The following AFF2 variants were observed in gnomAD, a reference collection of about 807,000 sequenced individuals.
AFF2 encodes the protein ALF transcription elongation factor 2.
A neutral mutation model predicts 76.9 loss-of-function variants in AFF2; 14 were observed. The ratio of observed to expected loss-of-function variants is 0.18; its 90% CI spans 0.12 to 0.28. AFF2 has a LOEUF of 0.28. Ranked by LOEUF, AFF2 falls within the 10% of genes least tolerant of loss-of-function variation. AFF2 has a pLI of 1.00. For missense variants in AFF2, 868 were observed against 1,001.1 expected, an observed-to-expected ratio of 0.87 and a Z score of 1.79; for synonymous variants, 398 against 366.7, an observed-to-expected ratio of 1.09 and a Z score of -0.98.
chrX:148,924,033 C>A (rs184133777), intron 9 of AFF2, among the ~76,000 whole-genome samples: 197 of 111,698 alleles, frequency 1.8e-3, no homozygotes, highest in Middle Eastern at 9.2e-3. Context: ...ATAAACGAGG[C>A]CTAATTATAT....
intron 20 of AFF2, among the ~76,000 whole-genome samples, chrX:148,989,337 C>G (rs2072509608): frequency 8.9e-6 from 1 of 112,530 alleles, no homozygotes. Context: ...TAACTAACTT[C>G]AGAACTTTCC....
intron 1 of AFF2, among the ~76,000 whole-genome samples, chrX:148,530,549 G>A (rs2052717582): frequency 9.3e-6 from 1 of 107,851 alleles, no homozygotes; most frequent in East Asian, 2.9e-4. Flanking sequence ...AATTCTATGC[G>A]TTGAGATTTC....
chrX:148,593,548 G>C (rs1437637745), intron 1 of AFF2, among the ~76,000 whole-genome samples: 4 of 111,950 alleles, frequency 3.6e-5, no homozygotes, highest in African/African-American at 1.3e-4. Flanking sequence ...GAGACCACTG[G>C]TGTGGTAGAA....
At chrX:148,869,994 G>T (rs1023126876) in intron 7 of AFF2, among the ~76,000 whole-genome samples, 2 of 111,490 alleles carry the variant, frequency 1.8e-5, no homozygotes, top group South Asian at 7.6e-4. Context: ...AATACTGGGG[G>T]TTAGGGCTTC....
chrX:148,741,511 G>A (rs1382725010), intron 3 of AFF2, among the ~76,000 whole-genome samples: 5 of 110,596 alleles, frequency 4.5e-5, no homozygotes, highest in Non-Finnish European at 9.5e-5. Context: ...CCCCAAGTCT[G>A]TTTCCAGAGG....
intron 1 of AFF2, among the ~76,000 whole-genome samples, chrX:148,512,062 C>G (rs899092764): frequency 1.8e-5 from 2 of 111,360 alleles, no homozygotes; most frequent in Non-Finnish European, 3.8e-5. Context: ...ATTAGGAGGA[C>G]AGACTGTAGA....
At chrX:148,971,592 TC>T in intron 15 of AFF2, among the ~76,000 whole-genome samples, 1 of 107,418 alleles carries the variant, frequency 9.3e-6, no homozygotes, top group Non-Finnish European at 1.9e-5. Context: ...TCCATCACCT[TC>T]CCGCCTCTCA....
chrX:148,781,888 T>C (rs1440579401), intron 3 of AFF2, among the ~76,000 whole-genome samples: 1 of 111,502 alleles, frequency 9.0e-6, no homozygotes, highest in Admixed American at 9.5e-5. Flanking sequence ...AAAAGCATAG[T>C]ATCTGGGCTG....
chrX:148,613,632 G>A (rs954279990), intron 1 of AFF2, among the ~76,000 whole-genome samples: 7 of 111,139 alleles, frequency 6.3e-5, no homozygotes, highest in Non-Finnish European at 1.3e-4. Flanking sequence ...GTGAGCCCCA[G>A]CACAATTTAA....
At chrX:148,578,375 T>C (rs2053315296) in intron 1 of AFF2, among the ~76,000 whole-genome samples, 1 of 111,361 alleles carries the variant, frequency 9.0e-6, no homozygotes. Context: ...GGACTCCACT[T>C]AAGAGTCATC....
At chrX:148,780,757 G>A (rs1440150909) in intron 3 of AFF2, among the ~76,000 whole-genome samples, 6 of 111,728 alleles carry the variant, frequency 5.4e-5, no homozygotes, top group Non-Finnish European at 9.4e-5. Flanking sequence ...CTGTCAGTTC[G>A]TCAAACTTAT....
At chrX:148,761,458 GTTT>G (rs201228384) in intron 3 of AFF2, among the ~76,000 whole-genome samples, 2 of 83,733 alleles carry the variant, frequency 2.4e-5, no homozygotes, top group African/African-American at 1.2e-4. Context: ...CTGTCCTCCA[GTTT>G]TTTTTGTTTT....
chrX:148,908,514 C>A (rs1447048618), intron 9 of AFF2, among the ~76,000 whole-genome samples: 4 of 112,275 alleles, frequency 3.6e-5, no homozygotes, highest in African/African-American at 1.3e-4. Flanking sequence ...TTGACTCATG[C>A]CACATGTAAA....
chrX:148,583,383 C>A (rs1405446588), intron 1 of AFF2, among the ~76,000 whole-genome samples: 1 of 110,613 alleles, frequency 9.0e-6, no homozygotes, highest in Non-Finnish European at 1.9e-5. Context: ...TAAAAATAGG[C>A]TTTATTTTTA....
intron 1 of AFF2, among the ~76,000 whole-genome samples, chrX:148,594,776 A>C (rs1238920959): frequency 2.7e-5 from 3 of 112,094 alleles, no homozygotes; most frequent in Non-Finnish European, 5.6e-5. Flanking sequence ...AAGCTGTGTA[A>C]GAAGTTAGAT....
At chrX:148,913,813 G>A (rs966085695) in intron 9 of AFF2, among the ~76,000 whole-genome samples, 1 of 112,018 alleles carries the variant, frequency 8.9e-6, no homozygotes, top group African/African-American at 3.3e-5. Context: ...TCAGTTTTGG[G>A]TACATAAGAG....
chrX:148,528,233 G>C (rs868968305), intron 1 of AFF2, among the ~76,000 whole-genome samples: 1 of 111,788 alleles, frequency 8.9e-6, no homozygotes, highest in African/African-American at 3.2e-5. Context: ...TGTTAATTTG[G>C]TATTTGATTT....
At chrX:148,904,799 C>T (rs1342110858) in intron 9 of AFF2, among the ~76,000 whole-genome samples, 1 of 112,124 alleles carries the variant, frequency 8.9e-6, no homozygotes, top group Non-Finnish European at 1.9e-5. Context: ...TTATGAGATA[C>T]TCTTAAATCA....
At chrX:148,949,401 C>A (rs1211819897) in intron 9 of AFF2, among the ~76,000 whole-genome samples, 6 of 111,396 alleles carry the variant, frequency 5.4e-5, no homozygotes, top group African/African-American at 2.0e-4. Flanking sequence ...CCCAGCTTCT[C>A]TCCCACTGGC....
Sources: allele counts gnomAD v4.1 joint callset (sites outside exome capture counted in the v4.1 genomes callset), GRCh38; gene constraint gnomAD v4.1.1; transcripts MANE v1.5; gene names NCBI Gene and HGNC (gene_info 2026-07-23, HGNC 2026-07-21).